Variants in RAC1 observed in about 807,000 individuals in gnomAD.
The protein encoded by RAC1 is Rac family small GTPase 1.
RAC1 carries 2 observed loss-of-function variants against 25.2 expected under a neutral mutation model. The observed-to-expected ratio is 0.08, with a 90% CI of 0.03 to 0.25. The LOEUF is 0.25. RAC1 is among the 10% of genes least tolerant of loss of function. The pLI is 1.00. For synonymous variants in RAC1, 88 were observed against 94.0 expected (o/e 0.94, Z 0.37); for missense variants, 50 against 235.7 (o/e 0.21, Z 5.16).
At chr7:6,386,788 CAAA>C (rs71008388) in intron 1 of RAC1, among the ~76,000 whole-genome samples, 5 of 88,162 alleles carry the variant, frequency 5.7e-5, no homozygotes, top group Non-Finnish European at 7.1e-5. Context: ...GACTCGGTCT[CAAA>C]AAAAAAAAAA....
chr7:6,378,139 C>T (rs1283180738), intron 1 of RAC1, among the ~76,000 whole-genome samples: 1 of 152,086 alleles, frequency 6.6e-6, no homozygotes, highest in Non-Finnish European at 1.5e-5. Flanking sequence ...CTCCTTAACT[C>T]TGCATACAGG....
intron 1 of RAC1, among the ~76,000 whole-genome samples, chr7:6,376,805 CAT>C (rs1385798696): frequency 1.7e-5 from 2 of 120,386 alleles, no homozygotes; most frequent in Non-Finnish European, 3.3e-5. Context: ...TTTTTTAAGT[CAT>C]ATTGCTGATA....
At chr7:6,393,844 C>G (rs1334187423) in intron 3 of RAC1, among the ~76,000 whole-genome samples, 1 of 152,172 alleles carries the variant, frequency 6.6e-6, no homozygotes, top group Non-Finnish European at 1.5e-5. Context: ...GGAAGCATTC[C>G]TGTCTGGACT....
intron 3 of RAC1, 193 bp from the exon 4 acceptor site, chr7:6,399,933 G>A: frequency 1.7e-6 from 1 of 590,494 alleles, no homozygotes. Flanking sequence ...TAAGTAACTG[G>A]TGGCTTGACA....
chr7:6,391,527 C>T (rs942966913), intron 2 of RAC1: 2 of 216,454 alleles, frequency 9.2e-6, no homozygotes, highest in African/African-American at 4.6e-5. Flanking sequence ...CTCTAGTGGC[C>T]AGCTAGCTCT....
intron 1 of RAC1, among the ~76,000 whole-genome samples, chr7:6,384,323 C>T (rs1339869786): frequency 1.3e-5 from 2 of 152,170 alleles, no homozygotes; most frequent in African/African-American, 4.8e-5. Context: ...TTGACTGAGT[C>T]CCTGGCGTCC....
At chr7:6,392,923 C>G (rs114466953) in intron 3 of RAC1, among the ~76,000 whole-genome samples, 1 of 152,308 alleles carries the variant, frequency 6.6e-6, no homozygotes, top group African/African-American at 2.4e-5. Flanking sequence ...GCACGCATAA[C>G]AGTCCTGGGC....
At chr7:6,386,191 C>A (rs367793379) in intron 1 of RAC1, among the ~76,000 whole-genome samples, 1 of 152,156 alleles carries the variant, frequency 6.6e-6, no homozygotes, top group African/African-American at 2.4e-5. Context: ...TAACTCCCAT[C>A]GTCTCTGAGC....
At chr7:6,400,057 T>A (rs1783352795) in intron 3 of RAC1, 69 bp from the exon 4 acceptor site, 1 of 1,401,636 alleles carries the variant, frequency 7.1e-7, no homozygotes, top group African/African-American at 1.4e-5. Flanking sequence ...CAGCAACATG[T>A]AGAAAGCAAA....
chr7:6,396,845 A>G (rs959162241), intron 3 of RAC1, among the ~76,000 whole-genome samples: 14 of 152,148 alleles, frequency 9.2e-5, no homozygotes, highest in Admixed American at 7.2e-4. Flanking sequence ...CCTGGCTAAC[A>G]CGTTGAAACC....
At chr7:6,397,744 T>C (rs755454378) in intron 3 of RAC1, among the ~76,000 whole-genome samples, 13 of 152,188 alleles carry the variant, frequency 8.5e-5, no homozygotes, top group Non-Finnish European at 1.5e-4. Flanking sequence ...TCCCAGCACG[T>C]TGGGAAGCCA....
chr7:6,378,955 TG>T (rs960078154), intron 1 of RAC1, among the ~76,000 whole-genome samples: 1 of 151,804 alleles, frequency 6.6e-6, no homozygotes, highest in Non-Finnish European at 1.5e-5. Flanking sequence ...CCAAGGATGG[TG>T]GGGGGCGCCT....
intron 5 of RAC1, 45 bp from the exon 6 acceptor site, chr7:6,402,271 G>A (rs1467175247): frequency 1.3e-6 from 2 of 1,563,118 alleles, no homozygotes; most frequent in South Asian, 1.2e-5. Context: ...GATCAGAAGA[G>A]AGTGGGGTCG....
intron 3 of RAC1, 71 bp from the exon 4 acceptor site, chr7:6,400,055 T>C: frequency 2.9e-6 from 4 of 1,362,340 alleles, no homozygotes; most frequent in Non-Finnish European, 1.1e-6. Flanking sequence ...CCCAGCAACA[T>C]GTAGAAAGCA....
intron 2 of RAC1, among the ~76,000 whole-genome samples, chr7:6,387,795 AT>A (rs1486512140): frequency 1.3e-5 from 2 of 152,172 alleles, no homozygotes; most frequent in Non-Finnish European, 2.9e-5. Flanking sequence ...ATTTTTAGAC[AT>A]CCAGAAAGCA....
At chr7:6,387,392 A>G in intron 2 of RAC1, 109 bp downstream of exon 2, 1 of 782,092 alleles carries the variant, frequency 1.3e-6, no homozygotes, top group Non-Finnish European at 2.1e-6. Context: ...AACAGATACT[A>G]ATTTTTTCTT....
chr7:6,385,886 G>A (rs948898118), intron 1 of RAC1, among the ~76,000 whole-genome samples: 1 of 152,212 alleles, frequency 6.6e-6, no homozygotes, highest in African/African-American at 2.4e-5. Flanking sequence ...GAGAGCACTT[G>A]GCTAACTGAA....
chr7:6,401,915 A>C lies in RAC1; in HGVS notation c.336A>C (p.Leu112=). Residue 112 remains leucine, a synonymous_variant, in exon 5 of 6, where the codon CTA becomes CTC. Transcript: ENST00000348035. ...ACTGTCCCAACACTCCCATCATCCT[A>C]GTGGGAACTAAACTTGATCTTAGGG... The part of the protein sequence containing the change: ...RHHCPNTPII[L]VGTKLDLRDD... 1 of 1,613,968 alleles carries C rather than the reference A, an allele frequency of 6.2e-7. No homozygotes were observed. Among genetic ancestry groups the C allele is most frequent in the Non-Finnish European group, 8.5e-7 (1 of 1,179,900 alleles).
intron 1 of RAC1, among the ~76,000 whole-genome samples, chr7:6,378,303 T>C (rs1383681010): frequency 2.0e-5 from 3 of 152,124 alleles, no homozygotes; most frequent in Non-Finnish European, 4.4e-5. Context: ...CTCAGCACTT[T>C]GGGAGGCCGA....
Sources: allele counts gnomAD v4.1 joint callset (sites outside exome capture counted in the v4.1 genomes callset), GRCh38; gene constraint gnomAD v4.1.1; transcripts MANE v1.5; gene names NCBI Gene and HGNC (gene_info 2026-07-23, HGNC 2026-07-21).